Variants in METTL25 observed in about 807,000 individuals in gnomAD.
METTL25 encodes the protein probable methyltransferase-like protein 25.
METTL25 carries 64 observed loss-of-function variants against 71.6 expected under a neutral mutation model. The observed-to-expected ratio is 0.89, with a 90% CI of 0.73 to 1.10. METTL25 has a LOEUF of 1.10. Among genes scored for constraint, METTL25 ranks in the 50% least tolerant of loss-of-function variants. The probability of loss-of-function intolerance (pLI) is 0.00; values close to 1 mark genes in which losing one functional copy is unlikely to be tolerated. For missense variants in METTL25, 807 were observed against 707.0 expected, an observed-to-expected ratio of 1.14 and a Z score of -1.60; for synonymous variants, 287 against 250.3, an observed-to-expected ratio of 1.15 and a Z score of -1.38.
chr12:82,400,557 G>T (rs1886522075), intron 4 of METTL25, among the ~76,000 whole-genome samples: 2 of 139,154 alleles, frequency 1.4e-5, no homozygotes, highest in African/African-American at 2.7e-5. Context: ...TTTCTTTTAG[G>T]GTTAAACAAT....
chr12:82,476,188 G>A (rs1381356856), intron 9 of METTL25: 2 of 152,832 alleles, frequency 1.3e-5, no homozygotes, highest in African/African-American at 4.8e-5. Flanking sequence ...TCTCTCTGAT[G>A]GATTTGTGAA....
intron 5 of METTL25, among the ~76,000 whole-genome samples, chr12:82,416,722 C>T (rs528623856): frequency 5.9e-5 from 9 of 152,174 alleles, no homozygotes; most frequent in African/African-American, 2.2e-4. Flanking sequence ...TTCTGCCCAC[C>T]TCGGCCTCCC....
At chr12:82,446,685 C>T (rs190336242) in intron 8 of METTL25, among the ~76,000 whole-genome samples, 71 of 149,396 alleles carry the variant, frequency 4.8e-4, no homozygotes, top group African/African-American at 1.6e-3. Context: ...GGTGCAGTCT[C>T]GGCTCACTGC....
At chr12:82,359,079 C>T (rs1881412707) in intron 1 of METTL25, among the ~76,000 whole-genome samples, 1 of 152,106 alleles carries the variant, frequency 6.6e-6, no homozygotes, top group South Asian at 2.1e-4. Flanking sequence ...CAGGGGAGTT[C>T]CTTCATCTAG....
chr12:82,366,092 A>T (rs538467478), intron 1 of METTL25, among the ~76,000 whole-genome samples: 49 of 152,252 alleles, frequency 3.2e-4, no homozygotes, highest in South Asian at 1.7e-3. Context: ...AAAAAAATTT[A>T]AAAAAATTTT....
chr12:82,417,420 A>G (rs1314285298), intron 5 of METTL25, among the ~76,000 whole-genome samples: 2 of 152,186 alleles, frequency 1.3e-5, no homozygotes, highest in Non-Finnish European at 2.9e-5. Flanking sequence ...TTCACATTAT[A>G]AAATGAGTTC....
chr12:82,461,563 G>T (rs925826449), intron 9 of METTL25, among the ~76,000 whole-genome samples: 1 of 152,098 alleles, frequency 6.6e-6, no homozygotes, highest in African/African-American at 2.4e-5. Flanking sequence ...GCACAAGAAT[G>T]CTTGTTTGGC....
In METTL25 at chr12:82,430,958, G is replaced by A. The variant is rs757993338; in HGVS notation, c.1345G>A (p.Gly449Ser). 3.8e-6 allele frequency: 6 copies of A among 1,599,408 alleles called. No homozygotes were observed. The highest frequency in any genetic ancestry group is 5.1e-6 in the Non-Finnish European group (6 of 1,171,108). ...HYLKEERWCCGRNARMSACLA... is the reference protein window; with the variant it reads ...HYLKEERWCCSRNARMSACLA... ...TTTAAAGGAAGAGAGATGGTGCTGT[G>A]GTCGTAATGCCAGAATGTCAGCATG... The change falls in exon 6 of 12, where the codon GGT (glycine) becomes AGT (serine). Residue 449 changes from glycine (G) to serine (S), a missense_variant. Coordinates refer to ENST00000248306, the MANE Select transcript of METTL25 (RefSeq NM_032230.3).
Position 82,438,928 on chromosome 12 carries a change from G to A in METTL25, c.1478+137G>A, listed in dbSNP as rs190342032. On this transcript the variant is annotated intron_variant, in intron 8 of 11. Transcript: ENST00000248306. ...AATTTGAGCATAATGTCAATAACAA[G>A]TACACAACAACTGTATCTTAGGTTA... 5.0e-6 allele frequency: 3 copies of A among 604,558 alleles called. No individual in the cohort carries two copies. In the Admixed American group the frequency reaches 1.3e-4, roughly 25 times the overall value. The allele number at this position is 604,558 out of a possible 1,614,324, so 37.4% of individuals were successfully genotyped here.
chr12:82,429,114 G>A (rs1889271976), intron 5 of METTL25, among the ~76,000 whole-genome samples: 1 of 151,630 alleles, frequency 6.6e-6, no homozygotes, highest in Non-Finnish European at 1.5e-5. Context: ...CTACCTTGCT[G>A]TGCTATCGAA....
At chr12:82,382,141 G>C (rs1024678424) in intron 1 of METTL25, among the ~76,000 whole-genome samples, 1 of 152,204 alleles carries the variant, frequency 6.6e-6, no homozygotes, top group Non-Finnish European at 1.5e-5. Flanking sequence ...AAAATGTTCA[G>C]TTGAGTTTTG....
intron 9 of METTL25, among the ~76,000 whole-genome samples, chr12:82,465,967 T>A (rs565976573): frequency 6.9e-6 from 1 of 145,080 alleles, no homozygotes; most frequent in African/African-American, 2.5e-5. Context: ...GTTTTGGATC[T>A]TCTTTATTTG....
intron 5 of METTL25, 132 bp downstream of exon 5, chr12:82,403,262 T>G (rs1430176824): frequency 3.8e-6 from 3 of 795,408 alleles, no homozygotes; most frequent in African/African-American, 1.8e-5. Flanking sequence ...ACATCTGACT[T>G]ACTTGCACTT....
chr12:82,384,591 C>A (rs1174595765), intron 1 of METTL25, among the ~76,000 whole-genome samples: 1 of 151,286 alleles, frequency 6.6e-6, no homozygotes, highest in Non-Finnish European at 1.5e-5. Context: ...AACTGTTAGA[C>A]TGAATTAGAA....
rs1881334293 is a variant in METTL25, at chr12:82,358,781, GC to G, written c.219del (p.Ser74GlnfsTer6). 6.2e-7 allele frequency: 1 copy of G among 1,613,662 alleles called. No homozygotes were observed. The highest frequency in any genetic ancestry group is 1.1e-5 in the South Asian group (1 of 91,076). On this transcript the variant is annotated frameshift_variant, in exon 1 of 12. Transcript: ENST00000248306. LOFTEE classifies it high-confidence loss of function. ...RKSASETEAL[P>X]SETRPLVEAE... ...AGTCAGCGTCGGAGACGGAGGCCCTGCCCTCAGAGACGCGCCCCCTAGTGGA... is the reference window on the plus strand; with the variant it reads ...AGTCAGCGTCGGAGACGGAGGCCCTGCCTCAGAGACGCGCCCCCTAGTGGA...
At chr12:82,421,055 T>C (rs1379547540) in intron 5 of METTL25, among the ~76,000 whole-genome samples, 1 of 152,116 alleles carries the variant, frequency 6.6e-6, no homozygotes, top group African/African-American at 2.4e-5. Context: ...ACAGACGGGG[T>C]TTCGCCATGT....
At chr12:82,390,043 A>C in intron 3 of METTL25, 121 bp downstream of exon 3, 1 of 625,436 alleles carries the variant, frequency 1.6e-6, no homozygotes, top group East Asian at 3.1e-5. Flanking sequence ...AGCATCATTT[A>C]AACATCAGAT....
chr12:82,430,515 A>G (rs1000673956), intron 5 of METTL25, among the ~76,000 whole-genome samples: 13 of 151,720 alleles, frequency 8.6e-5, no homozygotes, highest in African/African-American at 3.1e-4. Context: ...CAAATGTCAT[A>G]TTTAATAAAT....
chr12:82,446,808 G>C (rs1358084859), intron 8 of METTL25, among the ~76,000 whole-genome samples: 2 of 151,408 alleles, frequency 1.3e-5, no homozygotes, highest in Non-Finnish European at 2.9e-5. Context: ...GTAGAGACGG[G>C]GTTTCACTAT....
Sources: allele counts gnomAD v4.1 joint callset (sites outside exome capture counted in the v4.1 genomes callset), GRCh38; gene constraint gnomAD v4.1.1; transcripts MANE v1.5; gene names NCBI Gene and HGNC (gene_info 2026-07-23, HGNC 2026-07-21).